TMPRSS2: variants seen among roughly 807,000 people sequenced by gnomAD.
The protein encoded by TMPRSS2 is transmembrane serine protease 2, also known as transmembrane protease serine 2.
Under a neutral mutation model 67.4 loss-of-function variants are expected in TMPRSS2, and 59 were observed. That is an observed-to-expected ratio of 0.88 (90% confidence interval 0.71 to 1.09). The LOEUF (loss-of-function observed/expected upper bound fraction) is 1.09. Ranked by LOEUF, TMPRSS2 falls within the 50% of genes least tolerant of loss-of-function variation. TMPRSS2 has a pLI of 0.00. For missense variants in TMPRSS2, 668 were observed against 642.7 expected, an observed-to-expected ratio of 1.04 and a Z score of -0.43; for synonymous variants, 257 against 257.0, an observed-to-expected ratio of 1.00 and a Z score of 0.00.
At chr21:41,493,721 C>G (rs2091356267) in intron 3 of TMPRSS2, among the ~76,000 whole-genome samples, 1 of 152,170 alleles carries the variant, frequency 6.6e-6, no homozygotes, top group African/African-American at 2.4e-5. Context: ...GACATGAGAC[C>G]AAACGAAATG....
intron 1 of TMPRSS2, among the ~76,000 whole-genome samples, chr21:41,499,870 G>C (rs2091411858): frequency 2.0e-5 from 3 of 152,030 alleles, no homozygotes; most frequent in African/African-American, 7.3e-5. Flanking sequence ...TTCCCGCTTG[G>C]CTTTAAATGA....
intron 1 of TMPRSS2, among the ~76,000 whole-genome samples, chr21:41,507,144 C>T (rs1357079832): frequency 6.6e-6 from 1 of 152,246 alleles, no homozygotes; most frequent in East Asian, 1.9e-4. Context: ...TCAGGGCTCT[C>T]GGCGCACAAA....
chr21:41,499,401 A>C (rs1480095084), intron 1 of TMPRSS2, among the ~76,000 whole-genome samples: 1 of 152,120 alleles, frequency 6.6e-6, no homozygotes, highest in Non-Finnish European at 1.5e-5. Flanking sequence ...CCATCTGTGC[A>C]TTTCCTTGTA....
intron 3 of TMPRSS2, 57 bp downstream of exon 3, chr21:41,494,299 G>C (rs923545665): frequency 1.1e-5 from 18 of 1,578,758 alleles, no homozygotes; most frequent in Admixed American, 1.8e-5. Context: ...GCCCACTGGG[G>C]AGGTAGACCC....
intron 1 of TMPRSS2, among the ~76,000 whole-genome samples, chr21:41,499,752 C>T (rs1463797900): frequency 6.6e-6 from 1 of 152,200 alleles, no homozygotes; most frequent in Non-Finnish European, 1.5e-5. Context: ...TACCTGCCTC[C>T]GTGGTCCTGA....
chr21:41,485,030 C>T (rs1234589835), intron 5 of TMPRSS2, among the ~76,000 whole-genome samples: 2 of 151,052 alleles, frequency 1.3e-5, no homozygotes, highest in African/African-American at 4.9e-5. Flanking sequence ...GATGAGTTGC[C>T]CCAAGAAATG....
In TMPRSS2 at chr21:41,489,631, T is replaced by G; in HGVS notation, c.239-38A>C. On this transcript the variant is annotated intron_variant, in intron 3 of 13. Transcript: ENST00000332149. ...GGAGAGTGCAACGTTCAGACCAGAG[T>G]TGTTTAGAAGTCATGCTCTCAAATG... 3 of 1,479,474 alleles carry G rather than the reference T, an allele frequency of 2.0e-6. No homozygotes were observed. The African/African-American group carries it at 4.2e-5, about 21-fold the overall frequency. The allele number at this position is 1,479,474 out of a possible 1,614,324, so 91.6% of individuals were successfully genotyped here.
chr21:41,500,795 C>G (rs1265003951), intron 1 of TMPRSS2, among the ~76,000 whole-genome samples: 1 of 152,244 alleles, frequency 6.6e-6, no homozygotes, highest in African/African-American at 2.4e-5. Context: ...TTAGCCACAT[C>G]TTAACAGACC....
chr21:41,495,375 G>A (rs994120460), intron 2 of TMPRSS2, among the ~76,000 whole-genome samples: 1 of 152,090 alleles, frequency 6.6e-6, no homozygotes, highest in African/African-American at 2.4e-5. Context: ...TGTAATCCCA[G>A]CACTTTGGGT....
rs372405355 is a variant in TMPRSS2 at position 41,465,827 on chromosome 21, T to C, written c.*315A>G. 8.1e-5 allele frequency: 33 copies of C among 409,714 alleles called. No homozygotes were observed. The highest frequency in any genetic ancestry group is 3.0e-4 in the Admixed American group (7 of 23,406). The allele number at this position is 409,714 out of a possible 1,614,324, so 25.4% of individuals were successfully genotyped here. ...GTGACAGCTCCATGCTCATCCAAAA[T>C]TGGCCCCTGGAAAGGACTCAGCAGG... On this transcript the variant is annotated 3_prime_UTR_variant, in exon 14 of 14. Coordinates refer to ENST00000332149, the MANE Select transcript of TMPRSS2 (RefSeq NM_005656.4).
intron 3 of TMPRSS2, among the ~76,000 whole-genome samples, chr21:41,492,545 A>C (rs1164094597): frequency 6.6e-6 from 1 of 152,238 alleles, no homozygotes; most frequent in East Asian, 1.9e-4. Flanking sequence ...CACTTTCAAA[A>C]TGTATACATT....
Position 41,465,177 on chromosome 21 carries a change from G to T in TMPRSS2, c.*965C>A. 1 of 233,800 alleles carries T rather than the reference G, an allele frequency of 4.3e-6. No individual in the cohort carries two copies. The highest frequency in any genetic ancestry group is 8.5e-6 in the Non-Finnish European group (1 of 118,064). The allele number at this position is 233,800 out of a possible 1,614,324, so 14.5% of individuals were successfully genotyped here. ...TACAGTTTCAAAGAGTTAAATGAAG[G>T]TGGACTACTTGGAGACATCAAAAGC... On this transcript the variant is annotated 3_prime_UTR_variant, in exon 14 of 14. Transcript: ENST00000332149.
rs1160709009 is a variant in TMPRSS2 at position 41,464,897 on chromosome 21, C to T, written c.*1245G>A. Reference sequence around the variant, plus strand: ...ATTCTTGCAAACCAGCCTGCTTGGCCAGGAGGCAGAACCATGGTAGAGTAG... The same window carrying T: ...ATTCTTGCAAACCAGCCTGCTTGGCTAGGAGGCAGAACCATGGTAGAGTAG... On this transcript the variant is annotated 3_prime_UTR_variant, in exon 14 of 14. Transcript: ENST00000332149. 4 of 233,164 alleles carry T rather than the reference C, an allele frequency of 1.7e-5. No homozygotes were observed. The highest frequency in any genetic ancestry group is 2.2e-5 in the African/African-American group (1 of 45,328). The allele number at this position is 233,164 out of a possible 1,614,324, so 14.4% of individuals were successfully genotyped here. A position where few individuals can be genotyped will look rare whatever the true frequency, so the allele number is the denominator to read the frequency against.
At chr21:41,480,661 C>G in intron 5 of TMPRSS2, 59 bp from the exon 6 acceptor site, 1 of 1,580,454 alleles carries the variant, frequency 6.3e-7, no homozygotes, top group Admixed American at 1.8e-5. Context: ...TTTTTTGAGA[C>G]GGAGTCTCGC....
intron 5 of TMPRSS2, 81 bp downstream of exon 5, chr21:41,488,313 A>C: frequency 6.5e-7 from 1 of 1,539,554 alleles, no homozygotes; most frequent in Non-Finnish European, 8.9e-7. Context: ...CGCCAGGCCC[A>C]GTCACCCAAA....
rs1439672583 is a variant in TMPRSS2, at chr21:41,478,374, T to C, written c.683+798A>G. Among the ~76,000 whole-genome samples, 4 of 152,160 alleles carry C rather than the reference T, an allele frequency of 2.6e-5. No individual in the cohort carries two copies. Among genetic ancestry groups the C allele is most frequent in the African/African-American group, 9.7e-5 (4 of 41,446 alleles). On this transcript the variant is annotated intron_variant, in intron 7 of 13. Transcript: ENST00000332149. The surrounding 1 kb of genome is among the most constrained non-coding windows in gnomAD (Gnocchi z 4.0). ...TGGCACCTGGCAGGCAGGGAGGTGA[T>C]GCCTAGACACCAGGCATAAGCCCTG...
At chr21:41,471,122 C>T (rs1055242106) in intron 10 of TMPRSS2, among the ~76,000 whole-genome samples, 1 of 152,184 alleles carries the variant, frequency 6.6e-6, no homozygotes, top group African/African-American at 2.4e-5. Context: ...CTCAGGCATT[C>T]GCTCTTCTAT....
chr21:41,493,177 A>G (rs1377753189), intron 3 of TMPRSS2, among the ~76,000 whole-genome samples: 1 of 152,042 alleles, frequency 6.6e-6, no homozygotes, highest in Non-Finnish European at 1.5e-5. Context: ...GCCTTGACCT[A>G]CCCAACCACC....
chr21:41,497,143 C>T (rs2091389879), intron 2 of TMPRSS2, among the ~76,000 whole-genome samples: 1 of 151,990 alleles, frequency 6.6e-6, no homozygotes, highest in South Asian at 2.1e-4. Context: ...CCCAGCCTGC[C>T]CCTTGTCTCT....
Sources: gnomAD v4.1 joint callset for allele counts (sites outside exome capture counted in the v4.1 genomes callset) on GRCh38, gnomAD v4.1.1 for gene constraint, Gnocchi (gnomAD v3.1) non-coding constraint, MANE v1.5 for transcripts, NCBI Gene and HGNC (gene_info 2026-07-23, HGNC 2026-07-21) for gene names.